Variants in DMD observed in about 807,000 individuals in gnomAD.
DMD encodes the protein dystrophin.
A neutral mutation model predicts 330.1 loss-of-function variants in DMD; 63 were observed. The ratio of observed to expected loss-of-function variants is 0.19; its 90% CI spans 0.16 to 0.24. DMD has a LOEUF of 0.24. DMD is among the 10% of genes least tolerant of loss of function. The pLI, the probability that DMD is intolerant of heterozygous loss-of-function variation, is 1.00. For missense variants in DMD, 3,344 were observed against 2,684.1 expected, an observed-to-expected ratio of 1.25 and a Z score of -5.43; for synonymous variants, 1,223 against 959.8, an observed-to-expected ratio of 1.27 and a Z score of -5.07.
intron 7 of DMD, among the ~76,000 whole-genome samples, chrX:32,751,374 T>A (rs774944687): frequency 9.0e-6 from 1 of 111,368 alleles, no homozygotes; most frequent in Admixed American, 9.5e-5. Flanking sequence ...AAGTGACTCA[T>A]TATATTTTAG....
intron 62 of DMD, among the ~76,000 whole-genome samples, chrX:31,283,457 A>C (rs1394138907): frequency 9.0e-6 from 1 of 111,607 alleles, no homozygotes; most frequent in Admixed American, 9.5e-5. Flanking sequence ...TCAGGTTAGA[A>C]TATTTCTCTT....
chrX:32,026,488 T>C (rs2095846416), intron 44 of DMD, among the ~76,000 whole-genome samples: 1 of 112,374 alleles, frequency 8.9e-6, no homozygotes, highest in African/African-American at 3.2e-5. Context: ...TATATATCAG[T>C]GTTACTAAAC....
intron 2 of DMD, among the ~76,000 whole-genome samples, chrX:32,859,728 T>G (rs1180595632): frequency 9.0e-6 from 1 of 111,319 alleles, no homozygotes; most frequent in Non-Finnish European, 1.9e-5. Context: ...TTGACTATTT[T>G]TAAGTATTCT....
chrX:32,040,829 G>A (rs1257423532), intron 44 of DMD, among the ~76,000 whole-genome samples: 2 of 111,361 alleles, frequency 1.8e-5, no homozygotes, highest in Non-Finnish European at 3.8e-5. Context: ...GCCATGCAGT[G>A]TTAAACTCAA....
chrX:31,753,990 T>C (rs1314543177), intron 51 of DMD, among the ~76,000 whole-genome samples: 2 of 111,404 alleles, frequency 1.8e-5, no homozygotes, highest in Non-Finnish European at 3.8e-5. Flanking sequence ...TACAGCACAA[T>C]GATGAACATT....
At chrX:31,373,779 A>G (rs1417634317) in intron 60 of DMD, among the ~76,000 whole-genome samples, 1 of 110,748 alleles carries the variant, frequency 9.0e-6, no homozygotes, top group African/African-American at 3.3e-5. Context: ...TCATGTCTAC[A>G]ACACCAAAAG....
intron 2 of DMD, among the ~76,000 whole-genome samples, chrX:32,967,866 C>T (rs1217886384): frequency 8.9e-6 from 1 of 111,857 alleles, no homozygotes; most frequent in Non-Finnish European, 1.9e-5. Context: ...ATGCATTCTT[C>T]AAGACAGTGC....
intron 13 of DMD, chrX:32,583,625 C>G (rs771323444): frequency 8.9e-6 from 1 of 111,738 alleles, no homozygotes; most frequent in Non-Finnish European, 1.9e-5. Context: ...GATCCATGCA[C>G]GTATAGGCAT....
intron 41 of DMD, among the ~76,000 whole-genome samples, chrX:32,327,830 G>A (rs1354954268): frequency 9.0e-6 from 1 of 111,514 alleles, no homozygotes; most frequent in Admixed American, 9.6e-5. Context: ...CATATATTTT[G>A]AAAAGGTAAT....
intron 1 of DMD, among the ~76,000 whole-genome samples, chrX:33,255,480 G>A (rs940705862): frequency 1.4e-4 from 16 of 110,430 alleles, no homozygotes; most frequent in Non-Finnish European, 3.1e-4. Context: ...CATATAAATC[G>A]GATTTATATA....
At chrX:32,847,584 G>A (rs2080795848) in intron 3 of DMD, among the ~76,000 whole-genome samples, 1 of 112,125 alleles carries the variant, frequency 8.9e-6, no homozygotes, top group African/African-American at 3.2e-5. Context: ...TTTGTTAGAG[G>A]TGATTCTGCT....
At chrX:32,350,345 G>T (rs757512205) in intron 37 of DMD, among the ~76,000 whole-genome samples, 20 of 111,134 alleles carry the variant, frequency 1.8e-4, no homozygotes, top group African/African-American at 6.5e-4. Flanking sequence ...ATAGCCAGCT[G>T]AATTTTCACC....
intron 44 of DMD, among the ~76,000 whole-genome samples, chrX:32,166,139 C>T (rs926522920): frequency 1.5e-4 from 17 of 111,236 alleles, no homozygotes; most frequent in Non-Finnish European, 2.3e-4. Flanking sequence ...TCAAAGAGGT[C>T]TGCCCAGACT....
chrX:31,855,486 G>C (rs1225320292), intron 48 of DMD, among the ~76,000 whole-genome samples: 3 of 112,091 alleles, frequency 2.7e-5, no homozygotes, highest in East Asian at 5.6e-4. Flanking sequence ...TTAAACACTA[G>C]AAGTTGCTTT....
At chrX:32,297,663 A>C (rs1462482992) in intron 42 of DMD, among the ~76,000 whole-genome samples, 1 of 111,933 alleles carries the variant, frequency 8.9e-6, no homozygotes, top group African/African-American at 3.3e-5. Context: ...ACAGGAGAAT[A>C]AAGTAAACAA....
At chrX:32,346,345 T>C (rs1385246335) in intron 38 of DMD, among the ~76,000 whole-genome samples, 1 of 111,494 alleles carries the variant, frequency 9.0e-6, no homozygotes, top group Non-Finnish European at 1.9e-5. Context: ...TACTTCATCA[T>C]GTCAGACAAG....
intron 1 of DMD, among the ~76,000 whole-genome samples, chrX:33,134,573 T>A (rs2148553877): frequency 9.0e-6 from 1 of 111,712 alleles, no homozygotes; most frequent in African/African-American, 3.2e-5. Context: ...GTTTCAAAAT[T>A]GCTAAAAGAA....
intron 42 of DMD, among the ~76,000 whole-genome samples, chrX:32,289,209 T>C (rs1212114240): frequency 9.0e-6 from 1 of 111,343 alleles, no homozygotes; most frequent in Non-Finnish European, 1.9e-5. Flanking sequence ...TTATCAGTTA[T>C]GAATGGCCCT....
chrX:32,454,871 G>T, intron 25 of DMD, 39 bp from the exon 26 acceptor site: 1 of 1,179,755 alleles, frequency 8.5e-7, no homozygotes, highest in Non-Finnish European at 1.1e-6. Context: ...ATTATTGACA[G>T]TGATGAAACA....
Sources: gnomAD v4.1 joint callset for allele counts (sites outside exome capture counted in the v4.1 genomes callset) on GRCh38, gnomAD v4.1.1 for gene constraint, MANE v1.5 for transcripts, NCBI Gene and HGNC (gene_info 2026-07-23, HGNC 2026-07-21) for gene names.